STXBP4: variants seen among roughly 807,000 people sequenced by gnomAD.
STXBP4 encodes syntaxin binding protein 4, also known as syntaxin-binding protein 4.
A neutral mutation model predicts 76.1 loss-of-function variants in STXBP4; 55 were observed. That is an observed-to-expected ratio of 0.72 (90% CI 0.58 to 0.91). The LOEUF is 0.91. Ranked by LOEUF, STXBP4 falls within the 40% of genes least tolerant of loss-of-function variation. STXBP4 has a pLI of 0.00. For synonymous variants in STXBP4, 201 were observed against 220.2 expected, an observed-to-expected ratio of 0.91 and a Z score of 0.77; for missense variants, 618 against 636.9, an observed-to-expected ratio of 0.97 and a Z score of 0.32.
chr17:55,129,117 A>G (rs2079946331), intron 16 of STXBP4, among the ~76,000 whole-genome samples: 1 of 151,240 alleles, frequency 6.6e-6, no homozygotes, highest in South Asian at 2.1e-4. Flanking sequence ...TTTAGTAGAG[A>G]CAGGGTTTCA....
At chr17:55,075,869 T>G (rs532664669) in intron 13 of STXBP4, among the ~76,000 whole-genome samples, 1 of 152,266 alleles carries the variant, frequency 6.6e-6, no homozygotes, top group Admixed American at 6.5e-5. Flanking sequence ...GTTGGTAGCT[T>G]GAAATCAGCT....
Position 55,072,916 on chromosome 17 carries a change from T to C in STXBP4, c.1028T>C (p.Val343Ala), listed in dbSNP as rs2079138777. 1 of 1,605,242 alleles carries C rather than the reference T, an allele frequency of 6.2e-7. No individual in the cohort carries two copies. Residue 343 changes from valine (V) to alanine (A), a missense_variant, in exon 13 of 18, where the codon GTT becomes GCT. Physicochemically the swap from Val to Ala is moderately conservative, Grantham distance 64. Transcript: ENST00000376352. ...AATCTTTAGGAAGCCAAAGCTGTAG[T>C]TGAAGAAACAAGAGCCCTGCGTAGT... The part of the protein sequence containing the change: ...QNVKQEAKAV[V>A]EETRALRSRI...
At chr17:55,017,690 C>T (rs989044916) in intron 8 of STXBP4, among the ~76,000 whole-genome samples, 5 of 152,224 alleles carry the variant, frequency 3.3e-5, no homozygotes, top group East Asian at 3.9e-4. Context: ...TGGCTAAAGC[C>T]GGGAGTTCGG....
intron 16 of STXBP4, among the ~76,000 whole-genome samples, chr17:55,082,079 A>G (rs2079262749): frequency 6.6e-6 from 1 of 152,212 alleles, no homozygotes; most frequent in Non-Finnish European, 1.5e-5. Context: ...ACAATGTGCT[A>G]ATGTACTGTA....
the STXBP4 span, among the ~76,000 whole-genome samples, chr17:55,187,025 G>T: frequency 2.0e-5 from 3 of 152,208 alleles, no homozygotes; most frequent in Admixed American, 1.3e-4. Flanking sequence ...TAGAGGCTGT[G>T]GGGCGAAGAA....
intron 17 of STXBP4, among the ~76,000 whole-genome samples, chr17:55,152,160 T>C (rs2080223978): frequency 6.6e-6 from 1 of 152,224 alleles, no homozygotes; most frequent in Non-Finnish European, 1.5e-5. Context: ...TACCCAGTGA[T>C]ATGACAATAG....
chr17:54,972,673 G>A (rs545721914), intron 1 of STXBP4, among the ~76,000 whole-genome samples: 2 of 152,100 alleles, frequency 1.3e-5, no homozygotes, highest in African/African-American at 4.8e-5. Context: ...TCTCTGCCAC[G>A]AATTTTGGTT....
At chr17:55,052,651 G>A (rs2078872862) in intron 12 of STXBP4, among the ~76,000 whole-genome samples, 1 of 151,772 alleles carries the variant, frequency 6.6e-6, no homozygotes, top group Non-Finnish European at 1.5e-5. Flanking sequence ...ATTGCAAGGG[G>A]GTAAAATAGC....
chr17:55,141,043 A>G (rs118008839), intron 16 of STXBP4, among the ~76,000 whole-genome samples: 1,733 of 152,298 alleles, frequency 0.011, 12 homozygotes, highest in Non-Finnish European at 0.014. Flanking sequence ...TCCTGCTGAC[A>G]AAAATGCTCA....
At chr17:55,151,693 G>A (rs778480674) in intron 17 of STXBP4, among the ~76,000 whole-genome samples, 2 of 152,172 alleles carry the variant, frequency 1.3e-5, no homozygotes, top group Non-Finnish European at 2.9e-5. Context: ...AGCGTGAGCT[G>A]TTAGCCAGGC....
downstream of STXBP4, among the ~76,000 whole-genome samples, chr17:55,178,343 C>T (rs2080438417): frequency 6.6e-6 from 1 of 152,202 alleles, no homozygotes; most frequent in Non-Finnish European, 1.5e-5. Flanking sequence ...ATTCATTGAA[C>T]TATTTAAAGC....
chr17:55,002,782 A>T (rs1464223090), intron 7 of STXBP4, among the ~76,000 whole-genome samples: 3 of 152,206 alleles, frequency 2.0e-5, no homozygotes, highest in Non-Finnish European at 4.4e-5. Context: ...ACCTTGAAAT[A>T]GTTACAAGTT....
At chr17:55,121,818 G>A (rs1276771026) in intron 16 of STXBP4, among the ~76,000 whole-genome samples, 1 of 151,986 alleles carries the variant, frequency 6.6e-6, no homozygotes, top group African/African-American at 2.4e-5. Context: ...GATAAGGACA[G>A]ATGGAGCTGG....
chr17:55,112,477 C>T (rs1191303330), intron 16 of STXBP4, among the ~76,000 whole-genome samples: 1 of 151,974 alleles, frequency 6.6e-6, no homozygotes, highest in African/African-American at 2.4e-5. Context: ...TAAAACTAGA[C>T]AATAATTGAC....
At chr17:55,047,199 TG>T in intron 12 of STXBP4, 45 bp downstream of exon 12, 1 of 1,036,796 alleles carries the variant, frequency 9.6e-7, no homozygotes, top group South Asian at 1.5e-5. Context: ...TGTGTGTGTG[TG>T]TGTGTGTGTG....
intron 16 of STXBP4, among the ~76,000 whole-genome samples, chr17:55,086,675 G>A (rs1362490109): frequency 1.3e-5 from 2 of 152,036 alleles, no homozygotes; most frequent in African/African-American, 4.8e-5. Flanking sequence ...GTCTGTTGTT[G>A]CACACTAAGG....
At position 55,053,477 on chromosome 17, in the gene STXBP4, G is replaced by A. The variant is rs1275606229; in HGVS notation, c.1011+6323G>A. 2.0e-5 allele frequency among the ~76,000 whole-genome samples: 3 copies of A among 152,106 alleles called. No homozygotes were observed. In the East Asian group the frequency reaches 5.8e-4, roughly 29 times the overall value. ...TCTCAGCCACAACCACTTACTATCA[G>A]TGGCTTACAAGAATATATTGTTTCT... On this transcript the variant is annotated intron_variant, in intron 12 of 17. Transcript: ENST00000376352.
intron 1 of STXBP4, among the ~76,000 whole-genome samples, chr17:54,970,461 C>T (rs996699903): frequency 2.0e-5 from 3 of 152,126 alleles, no homozygotes; most frequent in South Asian, 2.1e-4. Flanking sequence ...AATTGCAGAA[C>T]CAATAAAATA....
chr17:55,057,939 TCATC>T (rs2078950268), intron 12 of STXBP4, among the ~76,000 whole-genome samples: 1 of 152,226 alleles, frequency 6.6e-6, no homozygotes, highest in African/African-American at 2.4e-5. Context: ...CACATTTTCT[TCATC>T]CAGTCTATCA....
Sources: allele counts gnomAD v4.1 joint callset (sites outside exome capture counted in the v4.1 genomes callset), GRCh38; gene constraint gnomAD v4.1.1; transcripts MANE v1.5; gene names NCBI Gene and HGNC (gene_info 2026-07-23, HGNC 2026-07-21).